DCLK1: variants seen among roughly 807,000 people sequenced by gnomAD.
DCLK1 encodes the protein doublecortin like kinase 1, also known as serine/threonine-protein kinase DCLK1.
In DCLK1, 16 loss-of-function variants were observed where a neutral mutation model predicts 86.2. The observed-to-expected ratio is 0.19, with a 90% CI of 0.13 to 0.28. The LOEUF (loss-of-function observed/expected upper bound fraction) is 0.28. Ranked by LOEUF, DCLK1 falls within the 10% of genes least tolerant of loss-of-function variation. DCLK1 has a pLI of 1.00. For synonymous variants in DCLK1, 369 were observed against 370.5 expected (o/e 1.00, Z 0.05); for missense variants, 590 against 940.2 (o/e 0.63, Z 4.87).
chr13:35,868,300 C>T (rs1373910202), intron 5 of DCLK1, among the ~76,000 whole-genome samples: 1 of 152,082 alleles, frequency 6.6e-6, no homozygotes, highest in South Asian at 2.1e-4. Context: ...GGATTACAGG[C>T]GTGAGCCACC....
intron 4 of DCLK1, among the ~76,000 whole-genome samples, chr13:35,932,405 C>T (rs1171075): frequency 0.74 from 111,808 of 152,016 alleles, 41,322 homozygotes; most frequent in Admixed American, 0.81. Flanking sequence ...ATAAGTATAT[C>T]TTTCGTCTAT....
chr13:35,879,809 G>A (rs899209384), intron 4 of DCLK1, among the ~76,000 whole-genome samples: 7 of 152,124 alleles, frequency 4.6e-5, no homozygotes, highest in African/African-American at 1.7e-4. Flanking sequence ...TTTCCCACAT[G>A]TCATTTGCAC....
At chr13:36,112,972 A>G (rs557309995) in intron 2 of DCLK1, among the ~76,000 whole-genome samples, 2 of 152,342 alleles carry the variant, frequency 1.3e-5, no homozygotes, top group Admixed American at 6.5e-5. Context: ...CACACACACA[A>G]AAAAGAAAAA....
chr13:35,946,227 C>T (rs757203291), intron 4 of DCLK1, among the ~76,000 whole-genome samples: 1 of 152,132 alleles, frequency 6.6e-6, no homozygotes, highest in Non-Finnish European at 1.5e-5. Context: ...TAGTCTCAAA[C>T]TCCTAAGCTC....
At chr13:36,074,618 T>C (rs1788631317) in intron 3 of DCLK1, among the ~76,000 whole-genome samples, 1 of 151,782 alleles carries the variant, frequency 6.6e-6, no homozygotes, top group Admixed American at 6.6e-5. Flanking sequence ...AAAATAGAGT[T>C]GAGGACAAAG....
chr13:35,854,737 C>G (rs994063652), intron 5 of DCLK1, 144 bp from the exon 6 acceptor site: 1 of 554,496 alleles, frequency 1.8e-6, no homozygotes, highest in Non-Finnish European at 2.8e-6. Flanking sequence ...CACTGAGGAA[C>G]AGCTTTGGGG....
At chr13:35,933,871 C>T (rs1876602173) in intron 4 of DCLK1, among the ~76,000 whole-genome samples, 1 of 152,202 alleles carries the variant, frequency 6.6e-6, no homozygotes, top group Admixed American at 6.5e-5. Context: ...CTGCAGCTGG[C>T]TTGAATTTCT....
chr13:35,850,824 T>G, intron 6 of DCLK1: 1 of 1,533,576 alleles, frequency 6.5e-7, no homozygotes, highest in Non-Finnish European at 8.8e-7. Flanking sequence ...CTTTCTTGGG[T>G]GCCCTGTGGC....
chr13:35,788,843 T>C (rs2086662986), intron 16 of DCLK1, among the ~76,000 whole-genome samples: 1 of 152,192 alleles, frequency 6.6e-6, no homozygotes, highest in Non-Finnish European at 1.5e-5. Context: ...TTATAAAAGG[T>C]ATATGATCTA....
intron 5 of DCLK1, among the ~76,000 whole-genome samples, chr13:35,859,734 A>G (rs780793556): frequency 6.6e-5 from 10 of 152,158 alleles, no homozygotes; most frequent in Non-Finnish European, 1.5e-4. Context: ...CGTAGTGTAC[A>G]CTTAGTACAT....
intron 3 of DCLK1, among the ~76,000 whole-genome samples, chr13:36,037,557 C>T (rs1359629905): frequency 1.3e-5 from 2 of 152,066 alleles, no homozygotes; most frequent in Non-Finnish European, 2.9e-5. Flanking sequence ...GATCTCAGCT[C>T]ACTGCAACCT....
At position 35,822,745 on chromosome 13, in the gene DCLK1, T is replaced by C; in HGVS notation, c.1538A>G (p.Lys513Arg). 6.2e-7 allele frequency: 1 copy of C among 1,614,100 alleles called. No homozygotes were observed. The highest frequency in any genetic ancestry group is 1.1e-5 in the South Asian group (1 of 91,072). The change falls in exon 11 of 17, where the codon AAG (lysine) becomes AGG (arginine). Residue 513 changes from lysine to arginine, a missense_variant. Coordinates refer to ENST00000360631, the MANE Select transcript of DCLK1 (RefSeq NM_001330071.2). Reference protein sequence around the residue: ...HSLNIVHRDIKPENLLVYEHQ... With the variant: ...HSLNIVHRDIRPENLLVYEHQ... ...TCCTCTTACCAGCAGGTTCTCTGGC[T>C]TGATATCACGGTGGACGATGTTCAG...
chr13:35,834,338 G>T (rs1183133833), intron 8 of DCLK1, among the ~76,000 whole-genome samples: 1 of 152,156 alleles, frequency 6.6e-6, no homozygotes, highest in African/African-American at 2.4e-5. Context: ...CAAAGGGAAC[G>T]TGTGTGATTT....
intron 16 of DCLK1, among the ~76,000 whole-genome samples, chr13:35,784,857 C>T (rs1157660881): frequency 2.0e-5 from 3 of 152,120 alleles, no homozygotes; most frequent in Non-Finnish European, 2.9e-5. Flanking sequence ...GAGGCGGGCC[C>T]TACATCCCTT....
intron 12 of DCLK1, among the ~76,000 whole-genome samples, chr13:35,809,736 G>C (rs2153102749): frequency 6.6e-6 from 1 of 152,302 alleles, no homozygotes; most frequent in Admixed American, 6.5e-5. Context: ...AGGGAGGTCA[G>C]ACAAGGCTAT....
intron 15 of DCLK1, 109 bp downstream of exon 15, chr13:35,805,590 C>A (rs9531059): frequency 1.8e-6 from 2 of 1,114,570 alleles, no homozygotes; most frequent in South Asian, 1.5e-5. Flanking sequence ...TGAGACACTG[C>A]GCCTGGCCCA....
intron 4 of DCLK1, among the ~76,000 whole-genome samples, chr13:35,871,567 A>T (rs1872275415): frequency 6.6e-6 from 1 of 152,142 alleles, no homozygotes; most frequent in Non-Finnish European, 1.5e-5. Context: ...CCCCTAGGTT[A>T]CACTCCTTAC....
intron 16 of DCLK1, among the ~76,000 whole-genome samples, chr13:35,775,901 G>T (rs2086416789): frequency 6.6e-6 from 1 of 152,150 alleles, no homozygotes; most frequent in Non-Finnish European, 1.5e-5. Flanking sequence ...GCCAATCAAA[G>T]TTCCAAAATG....
intron 4 of DCLK1, among the ~76,000 whole-genome samples, chr13:35,946,690 T>C (rs748672953): frequency 6.6e-6 from 1 of 152,240 alleles, no homozygotes; most frequent in Non-Finnish European, 1.5e-5. Flanking sequence ...CTTTGTTTGG[T>C]AGAATAATCT....
Sources: allele counts gnomAD v4.1 joint callset (sites outside exome capture counted in the v4.1 genomes callset), GRCh38; gene constraint gnomAD v4.1.1; transcripts MANE v1.5; gene names NCBI Gene and HGNC (gene_info 2026-07-23, HGNC 2026-07-21).